Variants in CSGALNACT1 observed in about 807,000 individuals in gnomAD.
CSGALNACT1 encodes beta4GalNAcT-1.
In CSGALNACT1, 52 loss-of-function variants were observed where a neutral mutation model predicts 51.0. The ratio of observed to expected loss-of-function variants is 1.02; its 90% CI spans 0.82 to 1.29. The LOEUF is 1.29. Among genes scored for constraint, CSGALNACT1 ranks in the 50% most tolerant of loss-of-function variants. The pLI, the probability that CSGALNACT1 is intolerant of heterozygous loss-of-function variation, is 0.00. For synonymous variants in CSGALNACT1, 341 were observed against 254.4 expected (o/e 1.34, Z -3.24); for missense variants, 935 against 679.2 (o/e 1.38, Z -4.19).
chr8:19,662,064 A>G (rs952446003), intron 1 of CSGALNACT1, among the ~76,000 whole-genome samples: 1 of 37,090 alleles, frequency 2.7e-5, no homozygotes, highest in Non-Finnish European at 5.2e-5. Context: ...AGTTGCCCCC[A>G]CCCCCCCCCA....
At chr8:19,559,438 C>T (rs1427881121) in intron 3 of CSGALNACT1, among the ~76,000 whole-genome samples, 1 of 152,138 alleles carries the variant, frequency 6.6e-6, no homozygotes, top group Non-Finnish European at 1.5e-5. Context: ...CTACCATCCG[C>T]ACTTCTATTC....
chr8:19,512,712 C>T (rs1344599234), intron 3 of CSGALNACT1, among the ~76,000 whole-genome samples: 1 of 152,140 alleles, frequency 6.6e-6, no homozygotes, highest in Admixed American at 6.5e-5. Context: ...ATATAGAAAT[C>T]GGACTCAAAC....
At chr8:19,723,062 G>C (rs1465956068) in intron 1 of CSGALNACT1, among the ~76,000 whole-genome samples, 2 of 152,102 alleles carry the variant, frequency 1.3e-5, no homozygotes, top group Non-Finnish European at 2.9e-5. Flanking sequence ...CCACTTTTTA[G>C]AGCAAGCCTC....
chr8:19,443,568 G>A (rs1333294121), intron 5 of CSGALNACT1, among the ~76,000 whole-genome samples: 2 of 152,166 alleles, frequency 1.3e-5, no homozygotes, highest in Admixed American at 6.5e-5. Flanking sequence ...AAGAGAGCTT[G>A]TGCAGGGGGA....
chr8:19,594,424 G>A (rs956589727), intron 2 of CSGALNACT1, among the ~76,000 whole-genome samples: 3 of 152,156 alleles, frequency 2.0e-5, no homozygotes, highest in African/African-American at 7.2e-5. Context: ...AAATTACAGT[G>A]AGACGAACAA....
chr8:19,620,446 T>C (rs538550760), intron 1 of CSGALNACT1, among the ~76,000 whole-genome samples: 1 of 151,112 alleles, frequency 6.6e-6, no homozygotes, highest in Non-Finnish European at 1.5e-5. Flanking sequence ...TTTTTTTTCT[T>C]GAGAAAGGGT....
At chr8:19,560,633 G>A (rs1197968873) in intron 3 of CSGALNACT1, among the ~76,000 whole-genome samples, 2 of 152,172 alleles carry the variant, frequency 1.3e-5, no homozygotes, top group African/African-American at 2.4e-5. Flanking sequence ...TCAACCTTAC[G>A]AGCAAACAGA....
chr8:19,524,463 T>C (rs2081293672), intron 3 of CSGALNACT1, among the ~76,000 whole-genome samples: 1 of 152,196 alleles, frequency 6.6e-6, no homozygotes. Flanking sequence ...TTCTAGTCTG[T>C]TTCTTTTAGC....
At chr8:19,432,770 T>G (rs528578803) in intron 6 of CSGALNACT1, among the ~76,000 whole-genome samples, 1 of 152,184 alleles carries the variant, frequency 6.6e-6, no homozygotes, top group African/African-American at 2.4e-5. Context: ...CAATTTCTAT[T>G]TGGTTCTTTT....
intron 3 of CSGALNACT1, among the ~76,000 whole-genome samples, chr8:19,590,640 CTTTTTTTTTTT>C (rs34859554): frequency 4.3e-5 from 3 of 68,982 alleles, no homozygotes; most frequent in African/African-American, 5.5e-5. Flanking sequence ...GACCTAACTA[CTTTTTTTTTTT>C]TTTTTTTTTT....
chr8:19,579,020 C>A (rs1420395999), intron 3 of CSGALNACT1, among the ~76,000 whole-genome samples: 2 of 152,180 alleles, frequency 1.3e-5, no homozygotes, highest in Middle Eastern at 3.2e-3. Flanking sequence ...TGAGTCACAG[C>A]ACCCTGACTC....
At position 19,703,404 on chromosome 8, in the gene CSGALNACT1, T is replaced by C. The variant is rs111768515; in HGVS notation, c.-297+54446A>G. On this transcript the variant is annotated intron_variant, in intron 1 of 1. Coordinates refer to the CSGALNACT1 transcript ENST00000517494. ...CTGCAAGCTCTGCCTTCCAGGTTCA[T>C]GCCATTCTCCTGCCTCAGCCTCCTG... 3.8e-3 allele frequency among the ~76,000 whole-genome samples: 572 copies of C among 152,240 alleles called. 4 individuals carry two copies. The highest frequency in any genetic ancestry group is 0.013 in the African/African-American group (559 of 41,538).
At chr8:19,496,363 C>A (rs1398622207) in intron 4 of CSGALNACT1, among the ~76,000 whole-genome samples, 2 of 152,120 alleles carry the variant, frequency 1.3e-5, no homozygotes, top group Non-Finnish European at 2.9e-5. Flanking sequence ...CCACAACATT[C>A]CCACTCATGA....
intron 3 of CSGALNACT1, among the ~76,000 whole-genome samples, chr8:19,527,690 C>T (rs905180100): frequency 4.6e-5 from 7 of 152,142 alleles, no homozygotes; most frequent in African/African-American, 1.7e-4. Context: ...CGCATGAGAA[C>T]CACGCAGGCA....
At chr8:19,514,267 C>A (rs573309444) in intron 3 of CSGALNACT1, among the ~76,000 whole-genome samples, 1 of 151,726 alleles carries the variant, frequency 6.6e-6, no homozygotes, top group African/African-American at 2.4e-5. Context: ...TCTTCCCTGA[C>A]CCCCTCCAGC....
At chr8:19,510,416 G>A (rs750981668) in intron 3 of CSGALNACT1, among the ~76,000 whole-genome samples, 1 of 152,112 alleles carries the variant, frequency 6.6e-6, no homozygotes, top group Non-Finnish European at 1.5e-5. Flanking sequence ...AACAATAGAC[G>A]ACAGTCTCAG....
intron 1 of CSGALNACT1, among the ~76,000 whole-genome samples, chr8:19,633,496 G>C (rs1014129890): frequency 6.6e-6 from 1 of 152,196 alleles, no homozygotes; most frequent in African/African-American, 2.4e-5. Flanking sequence ...GTTATACTGA[G>C]ATAGGGCAGG....
At chr8:19,537,245 TG>T (rs1436933577) in intron 3 of CSGALNACT1, among the ~76,000 whole-genome samples, 1 of 152,126 alleles carries the variant, frequency 6.6e-6, no homozygotes, top group Non-Finnish European at 1.5e-5. Flanking sequence ...CCTCCTTCTT[TG>T]CAGTTTTGAT....
At chr8:19,414,141 T>C (rs890556047) in intron 8 of CSGALNACT1, among the ~76,000 whole-genome samples, 3 of 152,184 alleles carry the variant, frequency 2.0e-5, no homozygotes, top group Non-Finnish European at 2.9e-5. Context: ...GCAAATGCTA[T>C]AAATCAGGTC....
Sources: allele counts gnomAD v4.1 joint callset (sites outside exome capture counted in the v4.1 genomes callset), GRCh38; gene constraint gnomAD v4.1.1; transcripts MANE v1.5; gene names NCBI Gene and HGNC (gene_info 2026-07-23, HGNC 2026-07-21).